Variants in MAN1A1 observed in about 807,000 individuals in gnomAD.
MAN1A1 encodes the protein mannosidase alpha class 1A member 1.
Under a neutral mutation model 70.8 loss-of-function variants are expected in MAN1A1, and 29 were observed. That is an observed-to-expected ratio of 0.41 (90% CI 0.31 to 0.56). The LOEUF (loss-of-function observed/expected upper bound fraction) is 0.56, where lower values mean the gene tolerates loss of function less well. Ranked by LOEUF, MAN1A1 falls within the 20% of genes least tolerant of loss-of-function variation. The pLI, the probability that MAN1A1 is intolerant of heterozygous loss-of-function variation, is 0.29. For missense variants in MAN1A1, 747 were observed against 841.3 expected (o/e 0.89, Z 1.39); for synonymous variants, 349 against 330.1 (o/e 1.06, Z -0.62).
At chr6:119,183,018 GA>G (rs908357951) in intron 11 of MAN1A1, among the ~76,000 whole-genome samples, 2 of 152,130 alleles carry the variant, frequency 1.3e-5, no homozygotes, top group African/African-American at 4.8e-5. Flanking sequence ...GTAGAGCCCA[GA>G]AAAGAGGCGA....
At chr6:119,202,825 A>T (rs1438327770) in intron 7 of MAN1A1, among the ~76,000 whole-genome samples, 1 of 152,228 alleles carries the variant, frequency 6.6e-6, no homozygotes, top group African/African-American at 2.4e-5. Context: ...GGAAAAAAAT[A>T]AAAGGGTGCT....
intron 6 of MAN1A1, among the ~76,000 whole-genome samples, chr6:119,229,718 A>G (rs1470195053): frequency 6.6e-6 from 1 of 152,104 alleles, no homozygotes; most frequent in Non-Finnish European, 1.5e-5. Context: ...TCATGTTTTC[A>G]ACTCAGGCAA....
intron 5 of MAN1A1, among the ~76,000 whole-genome samples, chr6:119,287,002 T>C (rs1776392322): frequency 6.6e-6 from 1 of 152,062 alleles, no homozygotes; most frequent in Non-Finnish European, 1.5e-5. Context: ...TATACTTCCT[T>C]ATACTACTCA....
At chr6:119,337,003 A>G (rs1169003131) in intron 2 of MAN1A1, among the ~76,000 whole-genome samples, 2 of 152,256 alleles carry the variant, frequency 1.3e-5, no homozygotes, top group Non-Finnish European at 2.9e-5. Context: ...ATAAAATAAC[A>G]GAATCTTTAT....
intron 4 of MAN1A1, among the ~76,000 whole-genome samples, chr6:119,293,391 C>T (rs890267082): frequency 3.3e-5 from 5 of 152,114 alleles, no homozygotes; most frequent in African/African-American, 1.2e-4. Flanking sequence ...CTCAAGGTCA[C>T]TTGCTATGGC....
chr6:119,337,336 G>A (rs1773480160), intron 2 of MAN1A1, among the ~76,000 whole-genome samples: 1 of 152,110 alleles, frequency 6.6e-6, no homozygotes, highest in Non-Finnish European at 1.5e-5. Context: ...TCAAAGATGA[G>A]CGGACACCAC....
chr6:119,299,954 G>GAA (rs1324006584), intron 4 of MAN1A1, among the ~76,000 whole-genome samples: 5 of 152,048 alleles, frequency 3.3e-5, no homozygotes, highest in Admixed American at 3.3e-4. Context: ...GTCGTGAAAA[G>GAA]AAAAAAACCG....
intron 6 of MAN1A1, among the ~76,000 whole-genome samples, chr6:119,210,483 A>AT (rs1398288671): frequency 4.6e-5 from 7 of 152,240 alleles, no homozygotes; most frequent in African/African-American, 1.7e-4. Flanking sequence ...TTTCACAAAC[A>AT]TTTTCCATGC....
At chr6:119,207,769 G>A (rs1011038701) in intron 6 of MAN1A1, among the ~76,000 whole-genome samples, 1 of 152,202 alleles carries the variant, frequency 6.6e-6, no homozygotes, top group Non-Finnish European at 1.5e-5. Context: ...GGGGGGGTTG[G>A]TGACAAAGGG....
intron 6 of MAN1A1, among the ~76,000 whole-genome samples, chr6:119,212,123 A>AGCC (rs1394259677): frequency 6.6e-6 from 1 of 150,692 alleles, no homozygotes; most frequent in Non-Finnish European, 1.5e-5. Context: ...TACAGGTGTG[A>AGCC]GCCACTGTGC....
intron 2 of MAN1A1, among the ~76,000 whole-genome samples, chr6:119,338,394 T>C (rs868007321): frequency 2.3e-4 from 35 of 151,974 alleles, no homozygotes; most frequent in Admixed American, 2.6e-4. Flanking sequence ...AAATAAAATA[T>C]CTTTGACAAA....
At chr6:119,291,170 G>A (rs113639211) in intron 4 of MAN1A1, among the ~76,000 whole-genome samples, 3 of 152,042 alleles carry the variant, frequency 2.0e-5, no homozygotes, top group African/African-American at 7.2e-5. Context: ...TCTTGTGATA[G>A]TGAATAAGTC....
At chr6:119,258,135 A>T (rs1309901783) in intron 5 of MAN1A1, among the ~76,000 whole-genome samples, 4 of 152,180 alleles carry the variant, frequency 2.6e-5, no homozygotes, top group Non-Finnish European at 5.9e-5. Context: ...CACTACATAG[A>T]TGTTAATATG....
intron 6 of MAN1A1, among the ~76,000 whole-genome samples, chr6:119,232,677 ATATGTGTGTG>A (rs1280440146): frequency 5.0e-5 from 6 of 120,238 alleles, no homozygotes; most frequent in Middle Eastern, 3.4e-3. Context: ...ATACACATAT[ATATGTGTGTG>A]TGTGTGTGTG....
At chr6:119,337,460 T>C (rs1478552169) in intron 2 of MAN1A1, among the ~76,000 whole-genome samples, 3 of 152,168 alleles carry the variant, frequency 2.0e-5, no homozygotes, top group Non-Finnish European at 4.4e-5. Flanking sequence ...GGCCCTATTA[T>C]GGGCAGGGCC....
chr6:119,189,921 C>A (rs1456439365), intron 9 of MAN1A1, 38 bp from the exon 10 acceptor site: 3 of 1,470,988 alleles, frequency 2.0e-6, no homozygotes, highest in Non-Finnish European at 9.4e-7. Flanking sequence ...TTTGTAATCT[C>A]TTCTCAAATT....
intron 2 of MAN1A1, among the ~76,000 whole-genome samples, chr6:119,309,152 GC>G (rs1562236348): frequency 6.6e-6 from 1 of 152,196 alleles, no homozygotes; most frequent in Non-Finnish European, 1.5e-5. Context: ...GGTTTATCCA[GC>G]AATTATAAAG....
intron 5 of MAN1A1, among the ~76,000 whole-genome samples, chr6:119,283,717 A>T (rs1463444638): frequency 6.6e-6 from 1 of 151,362 alleles, no homozygotes; most frequent in Admixed American, 6.6e-5. Flanking sequence ...TGGAAGAAAA[A>T]GGGTCTGTTA....
At position 119,304,718 on chromosome 6, in the gene MAN1A1, C is replaced by A. The variant is rs774084529; in HGVS notation, c.700+2178G>T. Reference sequence around the variant, plus strand: ...GAAGCAGACCTGAAGAGCTCCCCAACGGCTAATAACTGGGAAAAGATTCAT... The same window carrying A: ...GAAGCAGACCTGAAGAGCTCCCCAAAGGCTAATAACTGGGAAAAGATTCAT... On this transcript the variant is annotated intron_variant, in intron 3 of 12. Transcript: ENST00000368468. Among the ~76,000 whole-genome samples, 5 of 152,148 alleles carry A rather than the reference C, an allele frequency of 3.3e-5. No homozygotes were observed. In the South Asian group the frequency reaches 6.2e-4, roughly 19 times the overall value.
Sources: allele counts gnomAD v4.1 joint callset (sites outside exome capture counted in the v4.1 genomes callset), GRCh38; gene constraint gnomAD v4.1.1; transcripts MANE v1.5; gene names NCBI Gene and HGNC (gene_info 2026-07-23, HGNC 2026-07-21).